ASTN1: variants seen among roughly 807,000 people sequenced by gnomAD.
ASTN1 encodes astrotactin 1.
Under a neutral mutation model 140.7 loss-of-function variants are expected in ASTN1, and 41 were observed. The ratio of observed to expected loss-of-function variants is 0.29; its 90% CI spans 0.23 to 0.38. The LOEUF (loss-of-function observed/expected upper bound fraction) is 0.38, where lower values mean the gene tolerates loss of function less well. Ranked by LOEUF, ASTN1 falls within the 10% of genes least tolerant of loss-of-function variation. The pLI, the probability that ASTN1 is intolerant of heterozygous loss-of-function variation, is 1.00. For synonymous variants in ASTN1, 640 were observed against 652.2 expected (o/e 0.98, Z 0.29); for missense variants, 1,479 against 1,678.8 (o/e 0.88, Z 2.08).
Position 176,863,222 on chromosome 1 carries a change from C to A in ASTN1, c.*1062G>T. On this transcript the variant is annotated 3_prime_UTR_variant, in exon 23 of 23. Transcript: ENST00000361833. ...TCAGAGAAACGATTTGCAAAACTAG[C>A]AACACAAGCAAATTTAGCAAGGTGG... 1.0e-6 allele frequency: 1 copy of A among 985,906 alleles called. No homozygotes were observed. Among genetic ancestry groups the A allele is most frequent in the Non-Finnish European group, 1.2e-6 (1 of 829,936 alleles). The allele number at this position is 985,906 out of a possible 1,614,324, so 61.1% of individuals were successfully genotyped here. A position where few individuals can be genotyped will look rare whatever the true frequency, so the allele number is the denominator to read the frequency against.
At chr1:177,015,130 T>C (rs1026939964) in intron 7 of ASTN1, among the ~76,000 whole-genome samples, 3 of 152,200 alleles carry the variant, frequency 2.0e-5, no homozygotes, top group Non-Finnish European at 4.4e-5. Flanking sequence ...AAAGCATCTA[T>C]TATATATGTT....
intron 1 of ASTN1, among the ~76,000 whole-genome samples, chr1:177,158,669 T>C (rs1280380927): frequency 6.6e-6 from 1 of 151,248 alleles, no homozygotes; most frequent in Non-Finnish European, 1.5e-5. Context: ...TGTGTGTGTG[T>C]GTGTGTGTGT....
In ASTN1 at chr1:177,069,409, C is replaced by G. The variant is rs555014489; in HGVS notation, c.284-8144G>C. Among the ~76,000 whole-genome samples, 8 of 152,116 alleles carry G rather than the reference C, an allele frequency of 5.3e-5. No individual in the cohort carries two copies. In the South Asian group the frequency reaches 1.7e-3, roughly 32 times the overall value. ...GCCGAAAGGCTAGGATGGACTAAAA[C>G]GAACCAACTGAAGAAGCAGGAGTGA... On this transcript the variant is annotated intron_variant, in intron 1 of 22. Transcript: ENST00000361833.
At chr1:176,878,084 A>G (rs1477948611) in intron 20 of ASTN1, among the ~76,000 whole-genome samples, 1 of 152,090 alleles carries the variant, frequency 6.6e-6, no homozygotes, top group Non-Finnish European at 1.5e-5. Flanking sequence ...CCAAATTATC[A>G]TGCTGAATTA....
At chr1:176,938,966 A>AC (rs1452294437) in intron 14 of ASTN1, among the ~76,000 whole-genome samples, 2 of 151,882 alleles carry the variant, frequency 1.3e-5, no homozygotes, top group African/African-American at 4.8e-5. Context: ...AAAAAACAAA[A>AC]AACAAAAAAC....
chr1:176,994,708 G>A lies in ASTN1; in HGVS notation c.1523+20083C>T, dbSNP rs373252277. Among the ~76,000 whole-genome samples, 13 of 152,144 alleles carry A rather than the reference G, an allele frequency of 8.5e-5. No homozygotes were observed. The East Asian group carries it at 9.7e-4, about 11-fold the overall frequency. On this transcript the variant is annotated intron_variant, in intron 8 of 22. Transcript: ENST00000361833. ...GTTTCTAGGGTACTTCAGCTAAAAC[G>A]GCCTTTGTGCTTCAATTTCTTCACC...
intron 1 of ASTN1, among the ~76,000 whole-genome samples, chr1:177,136,561 C>G (rs1682213730): frequency 6.6e-6 from 1 of 152,062 alleles, no homozygotes; most frequent in East Asian, 1.9e-4. Context: ...ACCATGTTGG[C>G]CATGCTGGTC....
Position 176,939,452 on chromosome 1 carries a change from T to G in ASTN1, c.2378-3082A>C, listed in dbSNP as rs532772634. ...TCCTGGATGCATTTATGCCACACCA[T>G]AGTCAGGGAACACTTACATAACTGT... is the stretch of plus-strand genomic sequence containing the variant. On this transcript the variant is annotated intron_variant, in intron 14 of 22. Coordinates refer to ENST00000361833, the MANE Select transcript of ASTN1 (RefSeq NM_004319.3). 1.0e-3 allele frequency among the ~76,000 whole-genome samples: 154 copies of G among 152,298 alleles called. 1 individual carries two copies. The highest frequency in any genetic ancestry group is 3.6e-3 in the African/African-American group (149 of 41,560).
chr1:176,863,042 G>A lies in ASTN1; in HGVS notation c.*1242C>T. On this transcript the variant is annotated 3_prime_UTR_variant, in exon 23 of 23. Transcript: ENST00000361833. ...CTCTTTCTGAAAGGCTGGGCTTCCT[G>A]TTGGCTGGGCCACCATTCATGACCA... 1 of 985,606 alleles carries A rather than the reference G, an allele frequency of 1.0e-6. No homozygotes were observed. Among genetic ancestry groups the A allele is most frequent in the Non-Finnish European group, 1.2e-6 (1 of 829,962 alleles). 61.1% of individuals were successfully genotyped at this position (985,606 alleles called of 1,614,324 possible). A position where few individuals can be genotyped will look rare whatever the true frequency, so the allele number is the denominator to read the frequency against.
chr1:176,896,300 C>A (rs1294393244), intron 16 of ASTN1, among the ~76,000 whole-genome samples: 1 of 152,152 alleles, frequency 6.6e-6, no homozygotes, highest in Non-Finnish European at 1.5e-5. Flanking sequence ...CGACCCAGAG[C>A]CAAGCTCAAA....
At chr1:176,890,725 C>T (rs1448140677) in intron 17 of ASTN1, among the ~76,000 whole-genome samples, 3 of 152,178 alleles carry the variant, frequency 2.0e-5, no homozygotes, top group Non-Finnish European at 4.4e-5. Flanking sequence ...CACACCACTC[C>T]ATAAGAGTTC....
chr1:176,914,265 G>C (rs1377175172), intron 16 of ASTN1, among the ~76,000 whole-genome samples: 1 of 152,200 alleles, frequency 6.6e-6, no homozygotes, highest in Non-Finnish European at 1.5e-5. Context: ...CTATGGTAGA[G>C]ACTATAAGTG....
At chr1:177,128,253 T>C (rs1681765787) in intron 1 of ASTN1, among the ~76,000 whole-genome samples, 1 of 152,180 alleles carries the variant, frequency 6.6e-6, no homozygotes, top group Non-Finnish European at 1.5e-5. Flanking sequence ...AAGATTATTT[T>C]TTAGCTTCAT....
Position 176,862,161 on chromosome 1 carries a change from C to T in ASTN1, c.*2123G>A, listed in dbSNP as rs1318799758. ...GCCCCTTGAGGCACTTTAACTGAGG[C>T]TCCAGCATTTGCCACAGGTGGGACA... On this transcript the variant is annotated 3_prime_UTR_variant, in exon 23 of 23. Coordinates refer to ENST00000361833, the MANE Select transcript of ASTN1 (RefSeq NM_004319.3). 1.0e-6 allele frequency: 1 copy of T among 985,344 alleles called. No individual in the cohort carries two copies. The highest frequency in any genetic ancestry group is 1.1e-4 in the East Asian group (1 of 8,820). The allele number at this position is 985,344 out of a possible 1,614,324, so 61.0% of individuals were successfully genotyped here.
At chr1:177,038,184 C>T (rs753309385) in intron 2 of ASTN1, among the ~76,000 whole-genome samples, 17 of 152,216 alleles carry the variant, frequency 1.1e-4, no homozygotes, top group Admixed American at 2.0e-4. Context: ...TCAGCTAACT[C>T]CTACTCATCC....
At chr1:177,059,694 G>C (rs1677989472) in intron 2 of ASTN1, among the ~76,000 whole-genome samples, 1 of 152,128 alleles carries the variant, frequency 6.6e-6, no homozygotes, top group South Asian at 2.1e-4. Flanking sequence ...TTTTATCAGA[G>C]ATTTTATAGA....
At chr1:177,128,862 T>C (rs1455637435) in intron 1 of ASTN1, among the ~76,000 whole-genome samples, 2 of 152,178 alleles carry the variant, frequency 1.3e-5, no homozygotes, top group Non-Finnish European at 2.9e-5. Context: ...TTATCTCCAC[T>C]CTGTATATGA....
In ASTN1 at chr1:177,030,951, T is replaced by C; in HGVS notation, c.867A>G (p.Gly289=). 1 of 1,611,272 alleles carries C rather than the reference T, an allele frequency of 6.2e-7. No individual in the cohort carries two copies. Among genetic ancestry groups the C allele is most frequent in the Non-Finnish European group, 8.5e-7 (1 of 1,178,476 alleles). Residue 289 remains glycine, a splice_region_variant and synonymous_variant, in exon 4 of 23, where the codon GGA becomes GGG. Transcript: ENST00000361833. ...TCAGTGACAGCTTGGCATTGTCACTTCCTGTATAAGGAAAAGACGAGGCAA... is the reference window on the plus strand; with the variant it reads ...TCAGTGACAGCTTGGCATTGTCACTCCCTGTATAAGGAAAAGACGAGGCAA... The part of the protein sequence containing the change: ...NEKSGMDLTP[G]SDNAKLSLMN...
chr1:177,109,246 G>A (rs1219044343), intron 1 of ASTN1, among the ~76,000 whole-genome samples: 1 of 152,010 alleles, frequency 6.6e-6, no homozygotes, highest in Non-Finnish European at 1.5e-5. Context: ...AAGCTTTGCA[G>A]GAAATATGTA....
Sources: allele counts gnomAD v4.1 joint callset (sites outside exome capture counted in the v4.1 genomes callset), GRCh38; gene constraint gnomAD v4.1.1; transcripts MANE v1.5; gene names NCBI Gene and HGNC (gene_info 2026-07-23, HGNC 2026-07-21).